AGPAT4: variants seen among roughly 807,000 people sequenced by gnomAD.
AGPAT4 encodes 1-acyl-sn-glycerol-3-phosphate acyltransferase delta.
Under a neutral mutation model 48.0 loss-of-function variants are expected in AGPAT4, and 15 were observed. The observed-to-expected ratio is 0.31, with a 90% CI of 0.21 to 0.48. The LOEUF (loss-of-function observed/expected upper bound fraction) is 0.48, where lower values mean the gene tolerates loss of function less well. Among genes scored for constraint, AGPAT4 ranks in the 20% least tolerant of loss-of-function variants. AGPAT4 has a pLI of 0.99. For synonymous variants in AGPAT4, 178 were observed against 198.7 expected (o/e 0.90, Z 0.88); for missense variants, 314 against 482.5 (o/e 0.65, Z 3.27).
At position 161,236,626 on chromosome 6, in the gene AGPAT4, G is replaced by A. The variant is rs555423996; in HGVS notation, c.-89-4324C>T. Among the ~76,000 whole-genome samples, 2 of 152,200 alleles carry A rather than the reference G, an allele frequency of 1.3e-5. No individual in the cohort carries two copies. The highest frequency in any genetic ancestry group is 4.8e-5 in the African/African-American group (2 of 41,516). On this transcript the variant is annotated intron_variant, in intron 1 of 8. Coordinates refer to ENST00000320285, the MANE Select transcript of AGPAT4 (RefSeq NM_020133.3). This position sits in a 1 kb window ranked among gnomAD's most constrained non-coding sequence, Gnocchi z 5.0. ...AAGCAGTAAAAGGAAAGGGGAGGCC[G>A]GGAGCAGTGGCTCACACCTGTAATC...
chr6:161,166,063 T>G lies in AGPAT4; in HGVS notation c.348+185A>C. 1.4e-6 allele frequency: 1 copy of G among 729,492 alleles called. No individual in the cohort carries two copies. The highest frequency in any genetic ancestry group is 1.9e-5 in the South Asian group (1 of 53,034). 45.2% of individuals were successfully genotyped at this position (729,492 alleles called of 1,614,324 possible). On this transcript the variant is annotated intron_variant, in intron 3 of 8. Transcript: ENST00000320285. This position sits in a 1 kb window ranked among gnomAD's most constrained non-coding sequence, Gnocchi z 6.7. ...GCAATTGTTGAGTACCTCTTATGAT[T>G]GCCCATAAGAAGCTGTTAAGACTGA...
rs1782272105 is a variant in AGPAT4, at chr6:161,236,292, T to C, written c.-89-3990A>G. 6.6e-6 allele frequency among the ~76,000 whole-genome samples: 1 copy of C among 152,178 alleles called. No individual in the cohort carries two copies. On this transcript the variant is annotated intron_variant, in intron 1 of 8. Transcript: ENST00000320285. This position sits in a 1 kb window ranked among gnomAD's most constrained non-coding sequence, Gnocchi z 5.0. ...CTGCGAAAAAAAAAAAGATGTTTCT[T>C]ACTATCAAGGCCAAAAATGATGAAC...
intron 1 of AGPAT4, among the ~76,000 whole-genome samples, chr6:161,241,890 G>A (rs185511984): frequency 9.2e-5 from 14 of 152,140 alleles, no homozygotes; most frequent in African/African-American, 2.6e-4. Flanking sequence ...GCACTATCAC[G>A]CTCGAATAAT....
At position 161,208,015 on chromosome 6, in the gene AGPAT4, G is replaced by C. The variant is rs1781424692; in HGVS notation, c.178+24021C>G. ...ATCTTGGATATTCTTATGAGAGGTAGAACAATGAGAGCTGAGAGAGATGGT... is the reference window on the plus strand; with the variant it reads ...ATCTTGGATATTCTTATGAGAGGTACAACAATGAGAGCTGAGAGAGATGGT... On this transcript the variant is annotated intron_variant, in intron 2 of 8. Transcript: ENST00000320285. This position sits in a 1 kb window ranked among gnomAD's most constrained non-coding sequence, Gnocchi z 4.6. Among the ~76,000 whole-genome samples the C allele has an allele frequency of 6.6e-6, 1 of 152,074 alleles. No individual in the cohort carries two copies. Among genetic ancestry groups the C allele is most frequent in the Non-Finnish European group, 1.5e-5 (1 of 68,004 alleles).
At chr6:161,153,654 C>T (rs1376067764) in intron 4 of AGPAT4, among the ~76,000 whole-genome samples, 155 bp from the exon 5 acceptor site, 185 of 132,806 alleles carry the variant, frequency 1.4e-3, no homozygotes, top group African/African-American at 5.0e-3. Context: ...AGGTCACACA[C>T]AGCCCTGGGG....
At chr6:161,175,267 C>A (rs531574273) in intron 2 of AGPAT4, among the ~76,000 whole-genome samples, 2 of 152,258 alleles carry the variant, frequency 1.3e-5, no homozygotes, top group South Asian at 4.1e-4. Context: ...GGCTGTGAAT[C>A]CATCTGGTCC....
At position 161,135,791 on chromosome 6, in the gene AGPAT4, C is replaced by G. The variant is rs1032485776; in HGVS notation, c.*749G>C. ...GAGTTGGGTCCATCTTCAAGACTTA[C>G]GCCAGGAGACTGCACTGCAGAGACC... On this transcript the variant is annotated 3_prime_UTR_variant, in exon 9 of 9. Transcript: ENST00000320285. 1 of 152,292 alleles carries G rather than the reference C, an allele frequency of 6.6e-6. No homozygotes were observed. The highest frequency in any genetic ancestry group is 1.9e-4 in the East Asian group (1 of 5,196). 9.4% of individuals were successfully genotyped at this position (152,292 alleles called of 1,614,324 possible).
rs573667068 is a variant in AGPAT4, at chr6:161,178,038, G to C, written c.179-11621C>G. ...CTTCGTCTCAGAGGGGCACCTGACT[G>C]TATGTGGTGTCAAATGGCCCCTACT... On this transcript the variant is annotated intron_variant, in intron 2 of 8. Coordinates refer to ENST00000320285, the MANE Select transcript of AGPAT4 (RefSeq NM_020133.3). The surrounding 1 kb of genome is among the most constrained non-coding windows in gnomAD (Gnocchi z 5.1). Among the ~76,000 whole-genome samples, 2 of 152,310 alleles carry C rather than the reference G, an allele frequency of 1.3e-5. No individual in the cohort carries two copies. Among genetic ancestry groups the C allele is most frequent in the South Asian group, 4.1e-4 (2 of 4,822 alleles).
rs893771483 is a variant in AGPAT4, at chr6:161,148,261, C to A, written c.767+926G>T. ...GTCACAGGGCAGACTGTTGCCTGCA[C>A]CATCAGACAAGAAGTCAGTGATGAT... is the stretch of plus-strand genomic sequence containing the variant. On this transcript the variant is annotated intron_variant, in intron 6 of 8. Coordinates refer to ENST00000320285, the MANE Select transcript of AGPAT4 (RefSeq NM_020133.3). The surrounding 1 kb of genome is among the most constrained non-coding windows in gnomAD (Gnocchi z 5.5). 1.3e-5 allele frequency among the ~76,000 whole-genome samples: 2 copies of A among 152,194 alleles called. No homozygotes were observed. Among genetic ancestry groups the A allele is most frequent in the Non-Finnish European group, 2.9e-5 (2 of 68,036 alleles).
At chr6:161,153,194 A>C (rs1779640481) in intron 5 of AGPAT4, 152 bp downstream of exon 5, 1 of 1,130,356 alleles carries the variant, frequency 8.8e-7, no homozygotes, top group Non-Finnish European at 1.2e-6. Flanking sequence ...CTTGGTTCCC[A>C]GTCACAGAGA....
At chr6:161,175,742 T>C (rs1452043979) in intron 2 of AGPAT4, among the ~76,000 whole-genome samples, 3 of 152,240 alleles carry the variant, frequency 2.0e-5, no homozygotes, top group African/African-American at 7.2e-5. Flanking sequence ...GTGTCAATTT[T>C]AGATCTTTCC....
chr6:161,226,002 G>C lies in AGPAT4; in HGVS notation c.178+6034C>G, dbSNP rs1443121829. ...GCTACTCTGAAGGGAGAGATGATCA[G>C]TTTTAGGATCATGTCCACCTACAGC... On this transcript the variant is annotated intron_variant, in intron 2 of 8. Transcript: ENST00000320285. This position sits in a 1 kb window ranked among gnomAD's most constrained non-coding sequence, Gnocchi z 6.3. Among the ~76,000 whole-genome samples the C allele has an allele frequency of 6.6e-6, 1 of 152,190 alleles. No homozygotes were observed. Among genetic ancestry groups the C allele is most frequent in the Non-Finnish European group, 1.5e-5 (1 of 68,038 alleles).
At position 161,201,096 on chromosome 6, in the gene AGPAT4, C is replaced by G. The variant is rs1781225774; in HGVS notation, c.178+30940G>C. Among the ~76,000 whole-genome samples the G allele has an allele frequency of 6.6e-6, 1 of 152,142 alleles. No homozygotes were observed. Among genetic ancestry groups the G allele is most frequent in the Non-Finnish European group, 1.5e-5 (1 of 68,030 alleles). ...AGTCATCATGAGCCGTGCGGTGTTG[C>G]AAAGGAAATCTTGTCCCATTGATCA... On this transcript the variant is annotated intron_variant, in intron 2 of 8. Coordinates refer to ENST00000320285, the MANE Select transcript of AGPAT4 (RefSeq NM_020133.3). The surrounding 1 kb of genome is among the most constrained non-coding windows in gnomAD (Gnocchi z 6.0).
Position 161,231,941 on chromosome 6 carries a change from A to C in AGPAT4, c.178+95T>G. 1.6e-6 allele frequency: 2 copies of C among 1,289,362 alleles called. No individual in the cohort carries two copies. Among genetic ancestry groups the C allele is most frequent in the Non-Finnish European group, 2.1e-6 (2 of 948,878 alleles). 79.9% of individuals were successfully genotyped at this position (1,289,362 alleles called of 1,614,324 possible). A position where few individuals can be genotyped will look rare whatever the true frequency, so the allele number is the denominator to read the frequency against. On this transcript the variant is annotated intron_variant, in intron 2 of 8. Transcript: ENST00000320285. The surrounding 1 kb of genome is among the most constrained non-coding windows in gnomAD (Gnocchi z 5.3). ...AAACAAAACAAAAAAACAGCTCGGC[A>C]CACAACGAAAGCCTAGTGAATCCAT...
At chr6:161,203,502 C>T (rs1781299319) in intron 2 of AGPAT4, among the ~76,000 whole-genome samples, 1 of 150,962 alleles carries the variant, frequency 6.6e-6, no homozygotes, top group South Asian at 2.1e-4. Flanking sequence ...GATTCTCCTG[C>T]CCCGGCCCCC....
Position 161,221,441 on chromosome 6 carries a change from A to T in AGPAT4, c.178+10595T>A, listed in dbSNP as rs532748794. On this transcript the variant is annotated intron_variant, in intron 2 of 8. Coordinates refer to ENST00000320285, the MANE Select transcript of AGPAT4 (RefSeq NM_020133.3). The surrounding 1 kb of genome is among the most constrained non-coding windows in gnomAD (Gnocchi z 4.5). ...ATAATCTCTCATTTCCTATCTTATC[A>T]ATAAAATAAAGGTAGGGGTGGGAGA... 1.3e-5 allele frequency among the ~76,000 whole-genome samples: 2 copies of T among 152,206 alleles called. No individual in the cohort carries two copies. The highest frequency in any genetic ancestry group is 2.9e-5 in the Non-Finnish European group (2 of 68,046).
rs556305669 is a variant in AGPAT4 at position 161,220,489 on chromosome 6, C to T, written c.178+11547G>A. ...CCTAGAAGTATATGGAACAACAGAA[C>T]GGATGGCCTTGGTGAGATGACTTCA... On this transcript the variant is annotated intron_variant, in intron 2 of 8. Coordinates refer to ENST00000320285, the MANE Select transcript of AGPAT4 (RefSeq NM_020133.3). This position sits in a 1 kb window ranked among gnomAD's most constrained non-coding sequence, Gnocchi z 6.0. 1.9e-4 allele frequency among the ~76,000 whole-genome samples: 29 copies of T among 152,294 alleles called. No individual in the cohort carries two copies. Among genetic ancestry groups the T allele is most frequent in the African/African-American group, 6.3e-4 (26 of 41,556 alleles).
chr6:161,165,556 A>T lies in AGPAT4; in HGVS notation c.348+692T>A. 6 of 1,281,982 alleles carry T rather than the reference A, an allele frequency of 4.7e-6. No homozygotes were observed. The highest frequency in any genetic ancestry group is 6.1e-6 in the Non-Finnish European group (6 of 980,284). 79.4% of individuals were successfully genotyped at this position (1,281,982 alleles called of 1,614,324 possible). Reference sequence around the variant, plus strand: ...CCCCAGACCAATGTACACTGTGTACACTGTGATTCCTACGGAATACCTGAG... The same window carrying T: ...CCCCAGACCAATGTACACTGTGTACTCTGTGATTCCTACGGAATACCTGAG... On this transcript the variant is annotated intron_variant, in intron 3 of 8. Coordinates refer to ENST00000320285, the MANE Select transcript of AGPAT4 (RefSeq NM_020133.3). The surrounding 1 kb of genome is among the most constrained non-coding windows in gnomAD (Gnocchi z 5.5).
chr6:161,221,405 T>C lies in AGPAT4; in HGVS notation c.178+10631A>G, dbSNP rs1191059751. ...GCCTCGTCCATGGATAAAAGCAAGG[T>C]ATTTTATCGTATAATCTCTCATTTC... On this transcript the variant is annotated intron_variant, in intron 2 of 8. Coordinates refer to ENST00000320285, the MANE Select transcript of AGPAT4 (RefSeq NM_020133.3). The surrounding 1 kb of genome is among the most constrained non-coding windows in gnomAD (Gnocchi z 4.5). Among the ~76,000 whole-genome samples, 2 of 152,188 alleles carry C rather than the reference T, an allele frequency of 1.3e-5. No homozygotes were observed. The highest frequency in any genetic ancestry group is 2.9e-5 in the Non-Finnish European group (2 of 68,034).
Sources: gnomAD v4.1 joint callset for allele counts (sites outside exome capture counted in the v4.1 genomes callset) on GRCh38, gnomAD v4.1.1 for gene constraint, Gnocchi (gnomAD v3.1) non-coding constraint, MANE v1.5 for transcripts, NCBI Gene and HGNC (gene_info 2026-07-23, HGNC 2026-07-21) for gene names.